PASD1: variants seen among roughly 807,000 people sequenced by gnomAD.
The protein encoded by PASD1 is circadian clock protein PASD1.
Under a neutral mutation model 58.8 loss-of-function variants are expected in PASD1, and 13 were observed. That is an observed-to-expected ratio of 0.22 (90% CI 0.14 to 0.35). The LOEUF (loss-of-function observed/expected upper bound fraction) is 0.35, where lower values mean the gene tolerates loss of function less well. PASD1 is among the 10% of genes least tolerant of loss of function. PASD1 has a pLI of 1.00. For synonymous variants in PASD1, 236 were observed against 216.7 expected (o/e 1.09, Z -0.78); for missense variants, 734 against 568.3 (o/e 1.29, Z -2.96).
At chrX:151,591,210 G>A (rs1227390788) in intron 1 of PASD1, among the ~76,000 whole-genome samples, 1 of 111,758 alleles carries the variant, frequency 8.9e-6, no homozygotes, top group African/African-American at 3.3e-5. Flanking sequence ...AGTCATGCCG[G>A]AAAGTATATA....
chrX:151,617,130 T>C (rs2013646866), intron 4 of PASD1, among the ~76,000 whole-genome samples: 2 of 111,541 alleles, frequency 1.8e-5, no homozygotes, highest in African/African-American at 6.5e-5. Context: ...ACCACCTTAG[T>C]TTTTCGCTGG....
chrX:151,601,516 T>G lies in PASD1; in HGVS notation c.-27-11T>G. 2.5e-6 allele frequency: 3 copies of G among 1,199,540 alleles called. No individual in the cohort carries two copies. The highest frequency in any genetic ancestry group is 3.4e-6 in the Non-Finnish European group (3 of 885,032). On this transcript the variant is annotated splice_polypyrimidine_tract_variant and intron_variant, in intron 1 of 15. Transcript: ENST00000370357. Reference sequence around the variant, plus strand: ...ATCTCTTAGTAAAATGTTGCTTCACTTTGATTTCAGGAGTCTTCCTACGTC... The same window carrying G: ...ATCTCTTAGTAAAATGTTGCTTCACGTTGATTTCAGGAGTCTTCCTACGTC...
chrX:151,672,914 C>T (rs1349783132), intron 14 of PASD1: 1 of 390,143 alleles, frequency 2.6e-6, no homozygotes, highest in African/African-American at 2.5e-5. Context: ...AAGGAAGCCT[C>T]AATGCTAGGG....
In PASD1 at chrX:151,653,180, GTA is replaced by G. The variant is rs201826361; in HGVS notation, c.717+4494_717+4495del. On this transcript the variant is annotated intron_variant, in intron 9 of 15. Transcript: ENST00000370357. ...TCTGAAAATATATATGTGTGTGTGT[GTA>G]TATATATATATATATTTTTTTTTTT... Among the ~76,000 whole-genome samples the G allele has an allele frequency of 6.9e-3, 669 of 97,523 alleles. 4 individuals carry two copies. Among genetic ancestry groups the G allele is most frequent in the African/African-American group, 0.015 (423 of 27,486 alleles). 84.7% of individuals were successfully genotyped at this position (97,523 alleles called of 115,157 possible).
chrX:151,669,996 T>C (rs1420859496), intron 11 of PASD1, among the ~76,000 whole-genome samples: 1 of 112,299 alleles, frequency 8.9e-6, no homozygotes, highest in Admixed American at 9.5e-5. Context: ...GCTGTACTAA[T>C]TTACATTCTT....
intron 1 of PASD1, among the ~76,000 whole-genome samples, chrX:151,567,434 A>G (rs2012863993): frequency 8.9e-6 from 1 of 111,788 alleles, no homozygotes; most frequent in Non-Finnish European, 1.9e-5. Flanking sequence ...AGGAGTAGTC[A>G]CAGCTGGAAA....
chrX:151,636,526 C>T (rs1050949218), intron 8 of PASD1, among the ~76,000 whole-genome samples: 1 of 110,872 alleles, frequency 9.0e-6, no homozygotes, highest in East Asian at 2.8e-4. Context: ...GCCTCAGCCT[C>T]CTGAGTAGCT....
Position 151,622,918 on chromosome X carries a change from G to A in PASD1, c.419-19G>A. ...CTGGTCCACCTTTCTGTTTTCACAT[G>A]TGTGTCTATCTTCCTTAGAGTTTCC... On this transcript the variant is annotated intron_variant, in intron 6 of 15. Coordinates refer to ENST00000370357, the MANE Select transcript of PASD1 (RefSeq NM_173493.3). 8.4e-7 allele frequency: 1 copy of A among 1,196,433 alleles called. No individual in the cohort carries two copies. Among genetic ancestry groups the A allele is most frequent in the Non-Finnish European group, 1.1e-6 (1 of 887,001 alleles).
At position 151,623,023 on chromosome X, in the gene PASD1, C is replaced by G. The variant is rs1569407956; in HGVS notation, c.505C>G (p.Leu169Val). ...TGTTCCTCAGGAGGATCGGCTTTAT[C>G]TTGTGGGAAATGTTTGCATTCTCAG... The part of the protein sequence containing the change: ...ACVPQEDRLY[L>V]VGNVCILRTQ... The change falls in exon 7 of 16, where the codon CTT (leucine) becomes GTT (valine). Residue 169 changes from leucine to valine, a missense_variant. Transcript: ENST00000370357. 1.7e-6 allele frequency: 2 copies of G among 1,209,333 alleles called. No homozygotes were observed. Among genetic ancestry groups the G allele is most frequent in the Admixed American group, 2.2e-5 (1 of 45,921 alleles).
chrX:151,627,146 G>A (rs1409060461), intron 8 of PASD1, among the ~76,000 whole-genome samples: 2 of 110,833 alleles, frequency 1.8e-5, no homozygotes, highest in Non-Finnish European at 3.8e-5. Context: ...GTACCAGCAT[G>A]CTGTTTTTAT....
chrX:151,600,260 G>C (rs866500238), intron 1 of PASD1, among the ~76,000 whole-genome samples: 39 of 108,248 alleles, frequency 3.6e-4, no homozygotes, highest in Admixed American at 1.3e-3. Context: ...CGTGCAAAGA[G>C]AGAGACGAGG....
intron 1 of PASD1, chrX:151,578,357 T>A (rs2013040937): frequency 8.9e-6 from 1 of 112,402 alleles, no homozygotes; most frequent in Non-Finnish European, 1.9e-5. Context: ...TGATACCATT[T>A]TATATATATG....
At chrX:151,593,424 G>A (rs2013276601) in intron 1 of PASD1, among the ~76,000 whole-genome samples, 1 of 94,222 alleles carries the variant, frequency 1.1e-5, no homozygotes, top group African/African-American at 4.0e-5. Context: ...GCCCCAGTGT[G>A]TGATATTCCC....
intron 11 of PASD1, among the ~76,000 whole-genome samples, chrX:151,669,240 T>TTA (rs775722925): frequency 2.8e-5 from 3 of 106,491 alleles, no homozygotes; most frequent in African/African-American, 6.8e-5. Context: ...GGTTTTCATA[T>TTA]TATATATATA....
intron 9 of PASD1, among the ~76,000 whole-genome samples, chrX:151,653,794 CT>C (rs1268519866): frequency 1.6e-4 from 3 of 18,396 alleles, no homozygotes; most frequent in African/African-American, 4.3e-4. Context: ...TTCTTTCTTT[CT>C]TTCTTTCCTT....
chrX:151,623,690 T>G (rs1490878643), intron 7 of PASD1, among the ~76,000 whole-genome samples: 1 of 111,554 alleles, frequency 9.0e-6, no homozygotes, highest in Non-Finnish European at 1.9e-5. Context: ...CAGAATAATG[T>G]GCTAATGACT....
intron 10 of PASD1, among the ~76,000 whole-genome samples, chrX:151,660,188 A>G (rs980321210): frequency 4.4e-4 from 49 of 111,988 alleles, no homozygotes; most frequent in African/African-American, 1.3e-3. Flanking sequence ...TTGAGTTTTC[A>G]TGCCAATAAA....
intron 1 of PASD1, among the ~76,000 whole-genome samples, chrX:151,573,355 G>A (rs182444990): frequency 1.2e-3 from 129 of 112,117 alleles, no homozygotes; most frequent in African/African-American, 3.9e-3. Context: ...GTCTTAGGTC[G>A]TTCTGTTCCT....
chrX:151,632,861 G>A (rs1034565148), intron 8 of PASD1, among the ~76,000 whole-genome samples: 4 of 109,493 alleles, frequency 3.7e-5, no homozygotes, highest in Non-Finnish European at 7.6e-5. Context: ...TGCAGAATGG[G>A]TGTGAGGCTC....
Sources: allele counts gnomAD v4.1 joint callset (sites outside exome capture counted in the v4.1 genomes callset), GRCh38; gene constraint gnomAD v4.1.1; transcripts MANE v1.5; gene names NCBI Gene and HGNC (gene_info 2026-07-23, HGNC 2026-07-21).